Variants in MED27 observed in about 807,000 individuals in gnomAD.
MED27 encodes mediator of RNA polymerase II transcription subunit 27.
Under a neutral mutation model 38.2 loss-of-function variants are expected in MED27, and 30 were observed. The ratio of observed to expected loss-of-function variants is 0.79; its 90% CI spans 0.59 to 1.07. The LOEUF (loss-of-function observed/expected upper bound fraction) is 1.07. Among genes scored for constraint, MED27 ranks in the 50% least tolerant of loss-of-function variants. The probability of loss-of-function intolerance (pLI) is 0.00; values close to 1 mark genes in which losing one functional copy is unlikely to be tolerated. For synonymous variants in MED27, 122 were observed against 153.5 expected (o/e 0.79, Z 1.52); for missense variants, 289 against 397.5 (o/e 0.73, Z 2.32).
At chr9:131,863,889 A>G (rs914715918) in intron 6 of MED27, among the ~76,000 whole-genome samples, 3 of 152,138 alleles carry the variant, frequency 2.0e-5, no homozygotes, top group Non-Finnish European at 4.4e-5. Flanking sequence ...AGGCTGCTTG[A>G]AGTCCAGTGA....
At chr9:132,050,204 G>C (rs1833432505) in intron 2 of MED27, among the ~76,000 whole-genome samples, 2 of 152,188 alleles carry the variant, frequency 1.3e-5, no homozygotes, top group African/African-American at 4.8e-5. Context: ...GGAAGGATCA[G>C]GGAAGAATTG....
At chr9:131,891,087 A>G (rs1839221368) in intron 5 of MED27, among the ~76,000 whole-genome samples, 1 of 152,248 alleles carries the variant, frequency 6.6e-6, no homozygotes, top group African/African-American at 2.4e-5. Flanking sequence ...GCCCATGTTC[A>G]TAAGCAAAGA....
At chr9:132,076,542 A>G (rs985801997) in intron 2 of MED27, among the ~76,000 whole-genome samples, 16 of 152,222 alleles carry the variant, frequency 1.1e-4, no homozygotes, top group African/African-American at 3.6e-4. Flanking sequence ...CTAAGGGGAA[A>G]AAAAACCACA....
intron 6 of MED27, among the ~76,000 whole-genome samples, chr9:131,875,595 T>C (rs1331317998): frequency 6.6e-6 from 1 of 152,192 alleles, no homozygotes; most frequent in Admixed American, 6.5e-5. Flanking sequence ...TTCAGAGAAG[T>C]TGACCAGGTG....
At chr9:132,058,497 T>A (rs1298043953) in intron 2 of MED27, among the ~76,000 whole-genome samples, 1 of 152,038 alleles carries the variant, frequency 6.6e-6, no homozygotes, top group Non-Finnish European at 1.5e-5. Flanking sequence ...ATAAGGGGCT[T>A]TTCCCCCTTT....
intron 3 of MED27, among the ~76,000 whole-genome samples, chr9:131,945,148 T>TTA (rs965632776): frequency 7.5e-5 from 11 of 146,980 alleles, no homozygotes; most frequent in South Asian, 4.2e-4. Flanking sequence ...TATAAAAAAT[T>TTA]TATATATATA....
Position 131,872,504 on chromosome 9 carries a change from C to T in MED27, c.724-9364G>A, listed in dbSNP as rs1748606783. ...TCCCTCCAGCCAATATCGGCTTCTACGTACTGTGAAGAGAAGATTCTCTTA... is the reference window on the plus strand; with the variant it reads ...TCCCTCCAGCCAATATCGGCTTCTATGTACTGTGAAGAGAAGATTCTCTTA... On this transcript the variant is annotated intron_variant, in intron 6 of 7. Transcript: ENST00000292035. This position sits in a 1 kb window ranked among gnomAD's most constrained non-coding sequence, Gnocchi z 5.6. Among the ~76,000 whole-genome samples the T allele has an allele frequency of 6.6e-6, 1 of 152,166 alleles. No homozygotes were observed. Among genetic ancestry groups the T allele is most frequent in the Non-Finnish European group, 1.5e-5 (1 of 68,038 alleles).
intron 4 of MED27, among the ~76,000 whole-genome samples, chr9:131,923,657 C>T (rs1830435068): frequency 6.6e-6 from 1 of 152,130 alleles, no homozygotes; most frequent in African/African-American, 2.4e-5. Context: ...GTCAGAACTA[C>T]ATAAGAAGGT....
chr9:131,935,508 T>A (rs764314801), intron 4 of MED27, among the ~76,000 whole-genome samples: 2 of 152,232 alleles, frequency 1.3e-5, no homozygotes, highest in Non-Finnish European at 2.9e-5. Flanking sequence ...AGTCACAGGA[T>A]GGACATTAGA....
At position 131,862,123 on chromosome 9, in the gene MED27, T is replaced by C. The variant is rs537070151; in HGVS notation, c.801+940A>G. The stretch of plus-strand genomic sequence containing the variant: ...CTGTGTTGTGCCCACTCTGCCAGCA[T>C]CATGAAGCCAATCAACGCACCAGGG... On this transcript the variant is annotated intron_variant, in intron 7 of 7. Coordinates refer to ENST00000292035, the MANE Select transcript of MED27 (RefSeq NM_004269.4). The surrounding 1 kb of genome is among the most constrained non-coding windows in gnomAD (Gnocchi z 4.6). Among the ~76,000 whole-genome samples, 70 of 152,346 alleles carry C rather than the reference T, an allele frequency of 4.6e-4. No homozygotes were observed. In the South Asian group the frequency reaches 0.015, roughly 32 times the overall value.
intron 6 of MED27, among the ~76,000 whole-genome samples, chr9:131,869,812 T>C (rs150032033): frequency 6.6e-6 from 1 of 152,128 alleles, no homozygotes; most frequent in African/African-American, 2.4e-5. Flanking sequence ...GATGCCTCAT[T>C]TGGGGTGTGT....
At chr9:132,062,696 T>C (rs567093248) in intron 2 of MED27, among the ~76,000 whole-genome samples, 26 of 152,126 alleles carry the variant, frequency 1.7e-4, no homozygotes, top group African/African-American at 5.8e-4. Flanking sequence ...CAGCTCACTA[T>C]AGCCTCAAAC....
intron 6 of MED27, among the ~76,000 whole-genome samples, chr9:131,863,987 G>A (rs1449361628): frequency 7.2e-5 from 11 of 152,128 alleles, no homozygotes; most frequent in Non-Finnish European, 8.8e-5. Flanking sequence ...TCCTCTCTGC[G>A]TCTCCATGCC....
chr9:131,960,622 T>C (rs1351587696), intron 3 of MED27, among the ~76,000 whole-genome samples: 1 of 152,082 alleles, frequency 6.6e-6, no homozygotes, highest in Non-Finnish European at 1.5e-5. Context: ...ACATGTAAAA[T>C]GGGAGATAAT....
chr9:131,964,734 A>AGGCATAAT (rs1355581786), intron 3 of MED27, among the ~76,000 whole-genome samples: 2 of 152,202 alleles, frequency 1.3e-5, no homozygotes, highest in Non-Finnish European at 2.9e-5. Flanking sequence ...AGAAAGTGGA[A>AGGCATAAT]GGCATAATGT....
rs1317178504 is a variant in MED27, at chr9:131,881,613, C to T, written c.723+2445G>A. 2.0e-5 allele frequency among the ~76,000 whole-genome samples: 3 copies of T among 152,106 alleles called. No individual in the cohort carries two copies. In the East Asian group the frequency reaches 5.8e-4, roughly 29 times the overall value. On this transcript the variant is annotated intron_variant, in intron 6 of 7. Transcript: ENST00000292035. ...AGCTGCAAAGATGCAATAGACAGTT[C>T]CCATGTCCCTCACCCCGTTTCCCCA...
At chr9:131,938,708 C>CT (rs945297879) in intron 4 of MED27, among the ~76,000 whole-genome samples, 13 of 149,968 alleles carry the variant, frequency 8.7e-5, no homozygotes, top group Admixed American at 2.7e-4. Context: ...AGAGTGTTTT[C>CT]TTTTTTTTTC....
At chr9:131,985,698 T>C (rs529691041) in intron 3 of MED27, among the ~76,000 whole-genome samples, 34 of 133,094 alleles carry the variant, frequency 2.6e-4, no homozygotes, top group Non-Finnish European at 4.3e-4. Context: ...ATTTTAATTG[T>C]TTTTTTTTTT....
At chr9:132,044,508 G>A (rs552444084) in intron 2 of MED27, among the ~76,000 whole-genome samples, 4 of 152,346 alleles carry the variant, frequency 2.6e-5, no homozygotes, top group Admixed American at 6.5e-5. Context: ...GGGGCAACAC[G>A]AACAGAAGGT....
Sources: gnomAD v4.1 joint callset for allele counts (sites outside exome capture counted in the v4.1 genomes callset) on GRCh38, gnomAD v4.1.1 for gene constraint, Gnocchi (gnomAD v3.1) non-coding constraint, MANE v1.5 for transcripts, NCBI Gene and HGNC (gene_info 2026-07-23, HGNC 2026-07-21) for gene names.